The following ADIG variants were observed in gnomAD, a reference collection of about 807,000 sequenced individuals.
The protein encoded by ADIG is adipogenin, also known as adipogenesis associated.
In ADIG, 12 loss-of-function variants were observed where a neutral mutation model predicts 10.7. The ratio of observed to expected loss-of-function variants is 1.12; its 90% CI spans 0.72 to 1.82. ADIG has a LOEUF of 1.82. Among genes scored for constraint, ADIG ranks in the 40% most tolerant of loss-of-function variants. The pLI, the probability that ADIG is intolerant of heterozygous loss-of-function variation, is 0.00. For missense variants in ADIG, 72 were observed against 92.5 expected, an observed-to-expected ratio of 0.78 and a Z score of 0.91; for synonymous variants, 32 against 35.6, an observed-to-expected ratio of 0.90 and a Z score of 0.36.
At chr20:38,582,828 A>T (rs913697497) in intron 1 of ADIG, among the ~76,000 whole-genome samples, 149 of 149,670 alleles carry the variant, frequency 1.0e-3, no homozygotes, top group African/African-American at 3.3e-3. Context: ...TTTTATTTTT[A>T]TTTTTTGAAA....
chr20:38,581,416 G>C, intron 1 of ADIG, 42 bp downstream of exon 1: 1 of 1,612,606 alleles, frequency 6.2e-7, no homozygotes, highest in Non-Finnish European at 8.5e-7. Flanking sequence ...TAATCCTGGA[G>C]CTAGGCAGGG....
intron 2 of ADIG, among the ~76,000 whole-genome samples, chr20:38,586,760 G>A (rs1236083524): frequency 6.6e-6 from 1 of 151,962 alleles, no homozygotes; most frequent in African/African-American, 2.4e-5. Flanking sequence ...TATCCTTGGG[G>A]GCTCAATAGG....
At chr20:38,586,815 T>C (rs964555910) in intron 2 of ADIG, among the ~76,000 whole-genome samples, 2 of 151,928 alleles carry the variant, frequency 1.3e-5, no homozygotes, top group Non-Finnish European at 2.9e-5. Context: ...AGCTTACTTA[T>C]GAAATCCTAT....
At chr20:38,581,483 T>C in intron 1 of ADIG, 109 bp downstream of exon 1, 2 of 1,477,448 alleles carry the variant, frequency 1.4e-6, no homozygotes, top group Non-Finnish European at 1.8e-6. Flanking sequence ...CTTCAGTCAT[T>C]TTAAGTGCTC....
chr20:38,585,492 A>G, intron 1 of ADIG: 1 of 1,550,624 alleles, frequency 6.4e-7, no homozygotes, highest in Non-Finnish European at 8.7e-7. Flanking sequence ...GCTTCATGAC[A>G]AGCCATCAGA....
intron 1 of ADIG, among the ~76,000 whole-genome samples, chr20:38,581,931 A>G (rs1569000024): frequency 6.6e-6 from 1 of 152,218 alleles, no homozygotes; most frequent in Non-Finnish European, 1.5e-5. Flanking sequence ...TTTGGGAGAC[A>G]GGCTCATGGA....
At chr20:38,584,840 C>A (rs956960892) in intron 1 of ADIG, among the ~76,000 whole-genome samples, 13 of 151,892 alleles carry the variant, frequency 8.6e-5, no homozygotes, top group Admixed American at 7.2e-4. Context: ...TGCAGTGGCG[C>A]GATCTCGGCT....
chr20:38,582,997 TAG>T (rs1242805963), intron 1 of ADIG, among the ~76,000 whole-genome samples: 3 of 152,060 alleles, frequency 2.0e-5, no homozygotes, highest in African/African-American at 7.2e-5. Flanking sequence ...TTTGTATTTT[TAG>T]TAGAGATGGG....
chr20:38,588,433 TC>T lies in ADIG; in HGVS notation c.*350del. 1 of 1,212,924 alleles carries T rather than the reference TC, an allele frequency of 8.2e-7. No homozygotes were observed. Among genetic ancestry groups the T allele is most frequent in the Non-Finnish European group, 1.1e-6 (1 of 945,944 alleles). The allele number at this position is 1,212,924 out of a possible 1,614,324, so 75.1% of individuals were successfully genotyped here. On this transcript the variant is annotated 3_prime_UTR_variant, in exon 3 of 3. Coordinates refer to ENST00000537425, the MANE Select transcript of ADIG (RefSeq NM_001393816.1). ...GTCCATATTAAAGAAGCAAGGGTCTTCCCATACCCGGGGGACCCCTGACAAA... is the reference window on the plus strand; with the variant it reads ...GTCCATATTAAAGAAGCAAGGGTCTTCCATACCCGGGGGACCCCTGACAAA...
At chr20:38,583,918 G>A (rs2088609816) in intron 1 of ADIG, among the ~76,000 whole-genome samples, 3 of 152,154 alleles carry the variant, frequency 2.0e-5, no homozygotes, top group South Asian at 4.1e-4. Flanking sequence ...TGCGTGTTTT[G>A]CCCTTGTGCT....
intron 2 of ADIG, 124 bp downstream of exon 2, chr20:38,586,285 G>A (rs923335247): frequency 9.5e-6 from 7 of 736,292 alleles, no homozygotes; most frequent in South Asian, 1.8e-5. Context: ...GCTGGATGAC[G>A]GGTTCTCTCC....
At chr20:38,587,434 C>T (rs2088646992) in intron 2 of ADIG, among the ~76,000 whole-genome samples, 1 of 152,146 alleles carries the variant, frequency 6.6e-6, no homozygotes, top group Non-Finnish European at 1.5e-5. Flanking sequence ...AAAACTCCTC[C>T]TATGAATGCC....
At chr20:38,583,501 G>A (rs1176310490) in intron 1 of ADIG, among the ~76,000 whole-genome samples, 1 of 152,258 alleles carries the variant, frequency 6.6e-6, no homozygotes, top group East Asian at 1.9e-4. Flanking sequence ...GGTACTTACA[G>A]GGCAGGGCAC....
chr20:38,588,197 T>C lies in ADIG; in HGVS notation c.*111T>C, dbSNP rs753802347. ...AGAGGACTTTGGCAACTGTGGTGCCTCCCTGGAACCCCCAACTCATCTCCT... is the reference window on the plus strand; with the variant it reads ...AGAGGACTTTGGCAACTGTGGTGCCCCCCTGGAACCCCCAACTCATCTCCT... On this transcript the variant is annotated 3_prime_UTR_variant, in exon 3 of 3. Transcript: ENST00000537425. 2.3e-6 allele frequency: 3 copies of C among 1,304,676 alleles called. No homozygotes were observed. The highest frequency in any genetic ancestry group is 2.5e-5 in the South Asian group (2 of 81,020). The allele number at this position is 1,304,676 out of a possible 1,614,324, so 80.8% of individuals were successfully genotyped here.
In ADIG at chr20:38,583,479, C is replaced by T. The variant is rs565618083; in HGVS notation, c.124+2105C>T. 5.1e-4 allele frequency among the ~76,000 whole-genome samples: 78 copies of T among 152,312 alleles called. 1 individual carries two copies. The South Asian group carries it at 0.016, about 30-fold the overall frequency. ...TGGGGTTGTGACAGGCTTCAGTGGT[C>T]GATGCATATCGGGTACTTACAGGGC... On this transcript the variant is annotated intron_variant, in intron 1 of 2. Transcript: ENST00000537425.
At chr20:38,584,725 C>G (rs2088619774) in intron 1 of ADIG, among the ~76,000 whole-genome samples, 1 of 151,348 alleles carries the variant, frequency 6.6e-6, no homozygotes, top group Admixed American at 6.6e-5. Context: ...TGCACATACT[C>G]TATGTTCAAA....
chr20:38,587,973 G>A (rs1457405705), intron 2 of ADIG, 128 bp from the exon 3 acceptor site: 1 of 1,118,984 alleles, frequency 8.9e-7, no homozygotes, highest in Admixed American at 3.6e-5. Context: ...CCTGACCTTA[G>A]ATGATCCACC....
intron 1 of ADIG, among the ~76,000 whole-genome samples, chr20:38,581,786 T>C (rs921410509): frequency 6.6e-6 from 1 of 152,210 alleles, no homozygotes; most frequent in African/African-American, 2.4e-5. Flanking sequence ...TCAGCCCCGC[T>C]CACCCTCTCA....
At chr20:38,587,740 CTTTT>C (rs11477039) in intron 2 of ADIG, among the ~76,000 whole-genome samples, 4 of 127,360 alleles carry the variant, frequency 3.1e-5, no homozygotes, top group African/African-American at 2.8e-5. Context: ...TCTTTTTTCC[CTTTT>C]TTTTTTTTTT....
Sources: allele counts gnomAD v4.1 joint callset (sites outside exome capture counted in the v4.1 genomes callset), GRCh38; gene constraint gnomAD v4.1.1; transcripts MANE v1.5; gene names NCBI Gene and HGNC (gene_info 2026-07-23, HGNC 2026-07-21).